RPL3L: variants seen among roughly 807,000 people sequenced by gnomAD.
RPL3L encodes ribosomal protein uL3-like.
A neutral mutation model predicts 44.5 loss-of-function variants in RPL3L; 44 were observed. That is an observed-to-expected ratio of 0.99 (90% CI 0.78 to 1.27). The LOEUF (loss-of-function observed/expected upper bound fraction) is 1.27, where lower values mean the gene tolerates loss of function less well. Among genes scored for constraint, RPL3L ranks in the 50% most tolerant of loss-of-function variants. RPL3L has a pLI of 0.00. For missense variants in RPL3L, 631 were observed against 569.1 expected (o/e 1.11, Z -1.11); for synonymous variants, 292 against 230.7 (o/e 1.27, Z -2.41).
chr16:1,947,403 A>C, intron 4 of RPL3L, 23 bp from the exon 5 acceptor site: 1 of 1,533,092 alleles, frequency 6.5e-7, no homozygotes. Flanking sequence ...GCCGGAGGTC[A>C]CGCCACGGCC....
chr16:1,947,323 C>A lies in RPL3L; in HGVS notation c.559G>T (p.Gly187Cys). Reference sequence around the variant, plus strand: ...GCCACCTTCTCGGCCACCGTGCCACCGTTCAGCTGGATCTCCATGATGTGG... The same window carrying A: ...GCCACCTTCTCGGCCACCGTGCCACAGTTCAGCTGGATCTCCATGATGTGG... ...KAHIMEIQLN[G>C]GTVAEKVAWA... The change falls in exon 5 of 10, where the codon GGT becomes TGT. Residue 187 changes from glycine (G) to cysteine (C), a missense_variant. Transcript: ENST00000268661. 1 of 1,610,884 alleles carries A rather than the reference C, an allele frequency of 6.2e-7. No individual in the cohort carries two copies.
chr16:1,946,857 C>A, intron 6 of RPL3L, 81 bp downstream of exon 6: 1 of 1,558,492 alleles, frequency 6.4e-7, no homozygotes, highest in South Asian at 1.2e-5. Context: ...GTGTCTGGGT[C>A]ATGCACCCCA....
In RPL3L at chr16:1,947,027, T is replaced by A; in HGVS notation, c.760A>T (p.Ile254Phe). The A allele has an allele frequency of 6.2e-7, 1 of 1,612,842 alleles. No individual in the cohort carries two copies. The highest frequency in any genetic ancestry group is 8.5e-7 in the Non-Finnish European group (1 of 1,179,852). The change falls in exon 6 of 10, where the codon ATT becomes TTT. Residue 254 changes from isoleucine to phenylalanine, a missense_variant. By Grantham distance (21) the Ile-to-Phe change is conservative. Transcript: ENST00000268661. ...ACGCGGGCGGGGTGCCAGGCGCCAATGCAGGCCACCTTGCGCAGGCCCTTA... is the reference window on the plus strand; with the variant it reads ...ACGCGGGCGGGGTGCCAGGCGCCAAAGCAGGCCACCTTGCGCAGGCCCTTA... Reference protein sequence around the residue: ...THKGLRKVACIGAWHPARVGC... With the variant: ...THKGLRKVACFGAWHPARVGC...
At chr16:1,949,445 G>T (rs1432172310) in intron 4 of RPL3L, among the ~76,000 whole-genome samples, 1 of 150,834 alleles carries the variant, frequency 6.6e-6, no homozygotes, top group African/African-American at 2.4e-5. Context: ...TAGAGATGGG[G>T]TTTTGCCATG....
chr16:1,945,556 G>A lies in RPL3L; in HGVS notation c.1110C>T (p.Thr370=). The change falls in exon 9 of 10, where the codon ACC becomes ACT. Residue 370 remains threonine, a synonymous_variant. Coordinates refer to ENST00000268661, the MANE Select transcript of RPL3L (RefSeq NM_005061.3). ...VENIELKFID[T]TSKFGHGRFQ... ...AGCGGCCATGGCCGAACTTGGAGGT[G>A]GTGTCAATGAACTTGAGCTCAATAT... The A allele has an allele frequency of 3.1e-6, 5 of 1,613,816 alleles. No individual in the cohort carries two copies. The highest frequency in any genetic ancestry group is 4.2e-6 in the Non-Finnish European group (5 of 1,179,944).
intron 7 of RPL3L, 29 bp downstream of exon 7, chr16:1,946,596 G>C: frequency 1.2e-6 from 2 of 1,603,336 alleles, no homozygotes; most frequent in South Asian, 1.1e-5. Flanking sequence ...GGTGTGATGG[G>C]CCTGGCAGTC....
intron 4 of RPL3L, among the ~76,000 whole-genome samples, chr16:1,948,019 G>A (rs2754181): frequency 0.62 from 90,645 of 146,194 alleles, 28,600 homozygotes; most frequent in East Asian, 0.79. Context: ...CTCACTGCAA[G>A]CTCTGCCTCC....
chr16:1,951,163 A>G (rs1346529399), intron 3 of RPL3L, among the ~76,000 whole-genome samples, 184 bp from the exon 4 acceptor site: 1 of 151,822 alleles, frequency 6.6e-6, no homozygotes, highest in Non-Finnish European at 1.5e-5. Flanking sequence ...CTCCCCCTCT[A>G]GGCCCCGGTT....
intron 3 of RPL3L, among the ~76,000 whole-genome samples, chr16:1,952,642 C>T (rs2083177961): frequency 6.6e-6 from 1 of 152,208 alleles, no homozygotes; most frequent in Middle Eastern, 3.2e-3. Context: ...TCCCAAAGTG[C>T]TGGGATTACA....
At chr16:1,950,815 T>C (rs1208460855) in intron 4 of RPL3L, 29 bp downstream of exon 4, 7 of 1,613,764 alleles carry the variant, frequency 4.3e-6, no homozygotes, top group African/African-American at 1.3e-5. Context: ...TCCTAGGGAC[T>C]GACCGACAGC....
Position 1,944,830 on chromosome 16 carries a change from A to C in RPL3L, c.*7T>G, listed in dbSNP as rs1309717155. On this transcript the variant is annotated 3_prime_UTR_variant, in exon 10 of 10. Transcript: ENST00000268661. ...GTGCGCTTCAGGGTTCATCCACCCC[A>C]CACAGCCTACAAGTCTCCCGAGGTC... 3.7e-6 allele frequency: 6 copies of C among 1,613,898 alleles called. No homozygotes were observed. Among genetic ancestry groups the C allele is most frequent in the Non-Finnish European group, 4.2e-6 (5 of 1,180,008 alleles).
intron 4 of RPL3L, among the ~76,000 whole-genome samples, chr16:1,948,217 G>A (rs2754183): frequency 0.11 from 16,704 of 150,346 alleles, 1,067 homozygotes; most frequent in African/African-American, 0.15. Flanking sequence ...GATTACAGGC[G>A]TGAGCCACCA....
chr16:1,954,493 GT>G, intron 1 of RPL3L, 135 bp downstream of exon 1: 1 of 1,038,298 alleles, frequency 9.6e-7, no homozygotes, highest in Non-Finnish European at 1.4e-6. Context: ...TCGTCCCCTT[GT>G]TTCCCCCTCC....
At position 1,944,955 on chromosome 16, in the gene RPL3L, C is replaced by T. The variant is rs2083109520; in HGVS notation, c.1168-62G>A. ...CTCTGGCCAGAAACACGCCCTCCCCCAGCCAGGCTCTAGATCACTCAGGGC... is the reference window on the plus strand; with the variant it reads ...CTCTGGCCAGAAACACGCCCTCCCCTAGCCAGGCTCTAGATCACTCAGGGC... On this transcript the variant is annotated intron_variant, in intron 9 of 9. Coordinates refer to ENST00000268661, the MANE Select transcript of RPL3L (RefSeq NM_005061.3). 1.9e-6 allele frequency: 3 copies of T among 1,607,344 alleles called. No homozygotes were observed. In the Admixed American group the frequency reaches 5.0e-5, roughly 27 times the overall value.
At position 1,944,768 on chromosome 16, in the gene RPL3L, C is replaced by T; in HGVS notation, c.*69G>A. The T allele has an allele frequency of 6.2e-7, 1 of 1,605,888 alleles. No individual in the cohort carries two copies. Among genetic ancestry groups the T allele is most frequent in the Non-Finnish European group, 8.5e-7 (1 of 1,172,940 alleles). ...CTCTGAGACCTCGCAGGAAGAGTCG[C>T]CTCCGGCCTTTGTTAGACATTGGGG... On this transcript the variant is annotated 3_prime_UTR_variant, in exon 10 of 10. Coordinates refer to ENST00000268661, the MANE Select transcript of RPL3L (RefSeq NM_005061.3).
Position 1,947,309 on chromosome 16 carries a change from G to GGCCACCGT in RPL3L, c.565_572dup (p.Glu192ArgfsTer111). The GGCCACCGT allele has an allele frequency of 6.2e-7, 1 of 1,612,360 alleles. No homozygotes were observed. Among genetic ancestry groups the GGCCACCGT allele is most frequent in the Non-Finnish European group, 8.5e-7 (1 of 1,179,706 alleles). On this transcript the variant is annotated frameshift_variant, in exon 5 of 10. Transcript: ENST00000268661. LOFTEE classifies it high-confidence loss of function. ...GGGCCTGGGCCCAGGCCACCTTCTCGGCCACCGTGCCACCGTTCAGCTGGA... is the reference window on the plus strand; with the variant it reads ...GGGCCTGGGCCCAGGCCACCTTCTCGGCCACCGTGCCACCGTGCCACCGTTCAGCTGGA...
At chr16:1,949,009 C>CTTTTTTTTTTTTTTTTTTTTT (rs34900670) in intron 4 of RPL3L, among the ~76,000 whole-genome samples, 4 of 124,632 alleles carry the variant, frequency 3.2e-5, no homozygotes, top group South Asian at 4.8e-4. Context: ...CCGCGCCTGG[C>CTTTTTTTTTTTTTTTTTTTTT]TTTTTTTTTT....
In RPL3L at chr16:1,946,842, C is replaced by T. The variant is rs553982725; in HGVS notation, c.849+96G>A. ...TGCTGGTGGGGGCATCTTGTGTCCC[C>T]GGCAGTGTCTGGGTCATGCACCCCA... On this transcript the variant is annotated intron_variant, in intron 6 of 9. Transcript: ENST00000268661. 1.2e-4 allele frequency: 182 copies of T among 1,562,202 alleles called. 2 individuals carry two copies. The highest frequency in any genetic ancestry group is 1.0e-3 in the East Asian group (45 of 44,262).
rs1255363404 is a variant in RPL3L, at chr16:1,945,832, A to G, written c.1047+3T>C. 1.2e-6 allele frequency: 2 copies of G among 1,613,928 alleles called. No individual in the cohort carries two copies. Among genetic ancestry groups the G allele is most frequent in the South Asian group, 2.2e-5 (2 of 91,078 alleles). On this transcript the variant is annotated splice_donor_region_variant and intron_variant, in intron 8 of 9. Coordinates refer to ENST00000268661, the MANE Select transcript of RPL3L (RefSeq NM_005061.3). ...ACTCCCCAGCCCACCCAGCACTGCCAACCTTTCTCAGCGTAATGACCCGCT... is the reference window on the plus strand; with the variant it reads ...ACTCCCCAGCCCACCCAGCACTGCCGACCTTTCTCAGCGTAATGACCCGCT...
Sources: gnomAD v4.1 joint callset for allele counts (sites outside exome capture counted in the v4.1 genomes callset) on GRCh38, gnomAD v4.1.1 for gene constraint, MANE v1.5 for transcripts, NCBI Gene and HGNC (gene_info 2026-07-23, HGNC 2026-07-21) for gene names.